Variants in LHFPL3 observed in about 807,000 individuals in gnomAD.
LHFPL3 encodes the protein LHFPL tetraspan subfamily member 3.
In LHFPL3, 5 loss-of-function variants were observed where a neutral mutation model predicts 19.3. The observed-to-expected ratio is 0.26, with a 90% confidence interval of 0.14 to 0.54. The LOEUF (loss-of-function observed/expected upper bound fraction) is 0.54, where lower values mean the gene tolerates loss of function less well. Among genes scored for constraint, LHFPL3 ranks in the 20% least tolerant of loss-of-function variants. The pLI is 0.94. For synonymous variants in LHFPL3, 133 were observed against 126.2 expected, an observed-to-expected ratio of 1.05 and a Z score of -0.36; for missense variants, 249 against 307.4, an observed-to-expected ratio of 0.81 and a Z score of 1.42.
intron 1 of LHFPL3, among the ~76,000 whole-genome samples, chr7:104,434,836 A>G (rs1024615044): frequency 2.6e-5 from 4 of 152,342 alleles, no homozygotes; most frequent in African/African-American, 9.6e-5. Flanking sequence ...ATTGCTGATC[A>G]ATTCTACAGA....
chr7:104,344,213 C>T (rs893912465), intron 1 of LHFPL3, among the ~76,000 whole-genome samples: 25 of 152,032 alleles, frequency 1.6e-4, no homozygotes, highest in Non-Finnish European at 2.9e-4. Context: ...ATGAAGCCAA[C>T]TTTGCCATAC....
chr7:104,347,919 G>A (rs1405288637), intron 1 of LHFPL3, among the ~76,000 whole-genome samples: 1 of 151,068 alleles, frequency 6.6e-6, no homozygotes, highest in Non-Finnish European at 1.5e-5. Flanking sequence ...AAAAAACTTT[G>A]CCTTGTTTTC....
intron 1 of LHFPL3, among the ~76,000 whole-genome samples, chr7:104,482,457 T>A (rs570701463): frequency 6.6e-6 from 1 of 152,348 alleles, no homozygotes; most frequent in South Asian, 2.1e-4. Context: ...CAAGCCATCA[T>A]TCCTGCCCTG....
At chr7:104,601,024 C>T (rs1281222014) in intron 1 of LHFPL3, among the ~76,000 whole-genome samples, 1 of 152,182 alleles carries the variant, frequency 6.6e-6, no homozygotes, top group Non-Finnish European at 1.5e-5. Flanking sequence ...CATTTACTGG[C>T]AATGGAGCCA....
At chr7:104,406,476 C>A (rs1123760) in intron 1 of LHFPL3, among the ~76,000 whole-genome samples, 1 of 152,032 alleles carries the variant, frequency 6.6e-6, no homozygotes. Flanking sequence ...TTCCTCAAAA[C>A]TACCTGAAAA....
intron 1 of LHFPL3, among the ~76,000 whole-genome samples, chr7:104,477,989 G>A (rs1361540309): frequency 1.3e-5 from 2 of 152,160 alleles, no homozygotes; most frequent in Non-Finnish European, 2.9e-5. Flanking sequence ...AATAATTGCT[G>A]AAATCCCCAA....
chr7:104,469,707 C>G (rs753979979), intron 1 of LHFPL3, among the ~76,000 whole-genome samples: 1 of 151,990 alleles, frequency 6.6e-6, no homozygotes, highest in Non-Finnish European at 1.5e-5. Flanking sequence ...ATTCTGTTTC[C>G]GAATAACAAA....
chr7:104,698,210 T>C (rs10255156), intron 1 of LHFPL3, among the ~76,000 whole-genome samples: 20,586 of 152,214 alleles, frequency 0.14, 1,637 homozygotes, highest in Admixed American at 0.19. Flanking sequence ...GTCAAAAATG[T>C]ATACATTTAA....
chr7:104,500,572 C>A lies in LHFPL3; in HGVS notation c.445+171348C>A, dbSNP rs59687028. On this transcript the variant is annotated intron_variant, in intron 1 of 2. Transcript: ENST00000424859. ...AATATCTCTTCAGTCCACTCATCTC[C>A]TCTCTCCCAGTTACTCTTGGCTACT... is the stretch of plus-strand genomic sequence containing the variant. 7.3e-3 allele frequency among the ~76,000 whole-genome samples: 1,110 copies of A among 152,272 alleles called. 15 individuals carry two copies. Among genetic ancestry groups the A allele is most frequent in the African/African-American group, 0.023 (955 of 41,562 alleles).
At chr7:104,750,701 C>T (rs189094177) in intron 2 of LHFPL3, among the ~76,000 whole-genome samples, 70 of 151,180 alleles carry the variant, frequency 4.6e-4, no homozygotes, top group East Asian at 9.8e-4. Context: ...CTGCTTGTGG[C>T]GGGAGACAAT....
At chr7:104,825,903 C>G (rs1790809227) in intron 2 of LHFPL3, among the ~76,000 whole-genome samples, 1 of 151,842 alleles carries the variant, frequency 6.6e-6, no homozygotes, top group South Asian at 2.1e-4. Context: ...CACCCGACCA[C>G]TTTTGTTTCT....
chr7:104,466,469 G>C (rs1417606853), intron 1 of LHFPL3, among the ~76,000 whole-genome samples: 1 of 152,170 alleles, frequency 6.6e-6, no homozygotes, highest in Non-Finnish European at 1.5e-5. Flanking sequence ...AGACAGCTAC[G>C]TATATTGGTG....
At chr7:104,804,376 C>A (rs1311063481) in intron 2 of LHFPL3, among the ~76,000 whole-genome samples, 1 of 152,196 alleles carries the variant, frequency 6.6e-6, no homozygotes, top group Non-Finnish European at 1.5e-5. Flanking sequence ...CCAGAAAAAA[C>A]AATGGATGTC....
intron 1 of LHFPL3, among the ~76,000 whole-genome samples, chr7:104,585,081 C>T (rs1790538696): frequency 6.6e-6 from 1 of 152,102 alleles, no homozygotes; most frequent in Non-Finnish European, 1.5e-5. Flanking sequence ...CTTTTTCCCC[C>T]TCTTGTCCTC....
At position 104,906,197 on chromosome 7, in the gene LHFPL3, C is replaced by T; in HGVS notation, c.693C>T (p.Ser231=). The T allele has an allele frequency of 6.2e-7, 1 of 1,610,496 alleles. No homozygotes were observed. Among genetic ancestry groups the T allele is most frequent in the South Asian group, 1.1e-5 (1 of 89,958 alleles). ...CTCCAATTTCTGCAGTTCTGCTAAG[C>T]CAATATTCTCTAGAATGAGCACAAA... ...ELKAENKVLL[S]QYSLE is the part of the protein sequence containing the mutation. The change falls in exon 3 of 3, where the codon AGC becomes AGT. Residue 231 remains serine (S), a synonymous_variant. Transcript: ENST00000424859.
intron 1 of LHFPL3, among the ~76,000 whole-genome samples, chr7:104,529,393 A>G (rs1794249745): frequency 1.3e-5 from 2 of 152,060 alleles, no homozygotes; most frequent in African/African-American, 4.8e-5. Context: ...TCCCTAAGAA[A>G]CCTAGGCTCT....
chr7:104,366,658 C>T (rs757276753), intron 1 of LHFPL3, among the ~76,000 whole-genome samples: 1 of 152,138 alleles, frequency 6.6e-6, no homozygotes, highest in Non-Finnish European at 1.5e-5. Context: ...GCTGTGCCTC[C>T]CACTTCTATA....
intron 2 of LHFPL3, among the ~76,000 whole-genome samples, chr7:104,745,608 A>C (rs1794027643): frequency 6.6e-6 from 1 of 152,224 alleles, no homozygotes; most frequent in African/African-American, 2.4e-5. Flanking sequence ...ACAAATTCCC[A>C]ATCCCATCTT....
intron 1 of LHFPL3, among the ~76,000 whole-genome samples, chr7:104,355,411 G>A (rs1212422753): frequency 2.6e-5 from 4 of 152,128 alleles, no homozygotes; most frequent in Non-Finnish European, 5.9e-5. Flanking sequence ...CCATGGATGG[G>A]GTGGTGCCCA....
Sources: gnomAD v4.1 joint callset for allele counts (sites outside exome capture counted in the v4.1 genomes callset) on GRCh38, gnomAD v4.1.1 for gene constraint, MANE v1.5 for transcripts, NCBI Gene and HGNC (gene_info 2026-07-23, HGNC 2026-07-21) for gene names.